SDC3: variants seen among roughly 807,000 people sequenced by gnomAD.
SDC3 encodes the protein syndecan-3.
SDC3 carries 13 observed loss-of-function variants against 24.4 expected under a neutral mutation model. The observed-to-expected ratio is 0.53, with a 90% CI of 0.35 to 0.85. SDC3 has a LOEUF of 0.85. Ranked by LOEUF, SDC3 falls within the 40% of genes least tolerant of loss-of-function variation. SDC3 has a pLI of 0.01. For missense variants in SDC3, 571 were observed against 584.5 expected (o/e 0.98, Z 0.24); for synonymous variants, 295 against 260.9 (o/e 1.13, Z -1.26).
chr1:30,900,522 G>A (rs1638393948), intron 1 of SDC3, among the ~76,000 whole-genome samples: 1 of 152,018 alleles, frequency 6.6e-6, no homozygotes, highest in Non-Finnish European at 1.5e-5. Flanking sequence ...GCCTGGACAG[G>A]GAATAGTGTA....
rs1285526366 is a variant in SDC3 at position 30,871,828 on chromosome 1, G to A, written c.*1383C>T. 1 of 152,344 alleles carries A rather than the reference G, an allele frequency of 6.6e-6. No individual in the cohort carries two copies. The highest frequency in any genetic ancestry group is 1.9e-4 in the East Asian group (1 of 5,196). The allele number at this position is 152,344 out of a possible 1,614,324, so 9.4% of individuals were successfully genotyped here. On this transcript the variant is annotated 3_prime_UTR_variant, in exon 5 of 5. Coordinates refer to ENST00000339394, the MANE Select transcript of SDC3 (RefSeq NM_014654.4). ...GAGACCCAAGACCCCCCAACAACCT[G>A]GGGCCAAATTTCCTTCCTCAGCCTT...
Sources: gnomAD v4.1 joint callset for allele counts (sites outside exome capture counted in the v4.1 genomes callset) on GRCh38, gnomAD v4.1.1 for gene constraint, MANE v1.5 for transcripts, NCBI Gene and HGNC (gene_info 2026-07-23, HGNC 2026-07-21) for gene names.